CFAP47: variants seen among roughly 807,000 people sequenced by gnomAD.
The protein encoded by CFAP47 is cilia and flagella associated protein 47.
Under a neutral mutation model 148.1 loss-of-function variants are expected in CFAP47, and 29 were observed. That is an observed-to-expected ratio of 0.20 (90% CI 0.15 to 0.27). The LOEUF (loss-of-function observed/expected upper bound fraction) is 0.27. Among genes scored for constraint, CFAP47 ranks in the 10% least tolerant of loss-of-function variants. The pLI is 1.00. For synonymous variants in CFAP47, 664 were observed against 577.3 expected (o/e 1.15, Z -2.15); for missense variants, 1,872 against 1,697.5 (o/e 1.10, Z -1.81).
At chrX:36,029,578 T>G (rs1181349969) in intron 22 of CFAP47, among the ~76,000 whole-genome samples, 1 of 110,878 alleles carries the variant, frequency 9.0e-6, no homozygotes, top group African/African-American at 3.3e-5. Context: ...TCTTCACTAT[T>G]GTGTTCCATT....
At chrX:36,026,944 T>C (rs997473475) in intron 22 of CFAP47, among the ~76,000 whole-genome samples, 1 of 109,254 alleles carries the variant, frequency 9.2e-6, no homozygotes, top group Admixed American at 9.9e-5. Flanking sequence ...TTCTATCTTC[T>C]CTTGTATTTA....
At chrX:36,333,594 G>A (rs892089983) in intron 57 of CFAP47, among the ~76,000 whole-genome samples, 16 of 111,530 alleles carry the variant, frequency 1.4e-4, no homozygotes, top group Non-Finnish European at 2.6e-4. Flanking sequence ...CCTTGTTGAC[G>A]TCAATATCCA....
chrX:36,314,022 C>A (rs1556010454), intron 56 of CFAP47, among the ~76,000 whole-genome samples: 1 of 111,369 alleles, frequency 9.0e-6, no homozygotes, highest in African/African-American at 3.3e-5. Context: ...ACCCAAATTT[C>A]TAAAACTTAG....
At chrX:36,006,814 G>A in intron 21 of CFAP47, among the ~76,000 whole-genome samples, 1 of 111,994 alleles carries the variant, frequency 8.9e-6, no homozygotes, top group Middle Eastern at 4.7e-3. Flanking sequence ...ATATGGAATT[G>A]TACTTCCTAT....
intron 33 of CFAP47, among the ~76,000 whole-genome samples, chrX:36,133,238 T>C (rs192601828): frequency 9.0e-6 from 1 of 111,177 alleles, no homozygotes; most frequent in African/African-American, 3.3e-5. Flanking sequence ...CTAAAGTGAG[T>C]CTGGAGAATG....
Position 36,055,142 on chromosome X carries a change from GTTTA to G in CFAP47, c.4217+8095_4217+8098del, listed in dbSNP as rs1049402187. On this transcript the variant is annotated intron_variant, in intron 26 of 63. Transcript: ENST00000378653. ...ATTTAACACCATGTAGACATGGTCA[GTTTA>G]TTTATTTATTTATTTTTCTTCAATT... 1.0e-4 allele frequency among the ~76,000 whole-genome samples: 11 copies of G among 109,590 alleles called. No individual in the cohort carries two copies. The South Asian group carries it at 3.6e-3, about 35-fold the overall frequency.
At chrX:36,348,945 T>G (rs1329493986) in intron 58 of CFAP47, among the ~76,000 whole-genome samples, 1 of 111,839 alleles carries the variant, frequency 8.9e-6, no homozygotes, top group Admixed American at 9.6e-5. Flanking sequence ...CTTTCCTTCA[T>G]TTTTTGCCAG....
intron 11 of CFAP47, among the ~76,000 whole-genome samples, chrX:35,971,354 C>A (rs2146665303): frequency 8.9e-6 from 1 of 112,066 alleles, no homozygotes; most frequent in Non-Finnish European, 1.9e-5. Context: ...CCATATCAGT[C>A]ATTGGCTGTC....
At chrX:36,300,581 G>A (rs1398085707) in intron 52 of CFAP47, among the ~76,000 whole-genome samples, 1 of 111,659 alleles carries the variant, frequency 9.0e-6, no homozygotes, top group Non-Finnish European at 1.9e-5. Context: ...GAGCCACCAC[G>A]TCCGGTCCCC....
At chrX:35,923,408 C>T (rs1455220372) in intron 1 of CFAP47, among the ~76,000 whole-genome samples, 6 of 111,450 alleles carry the variant, frequency 5.4e-5, no homozygotes, top group Non-Finnish European at 1.1e-4. Flanking sequence ...TTATATTTTT[C>T]CTGGCATCTA....
chrX:36,126,340 T>A (rs1938838279), intron 33 of CFAP47, among the ~76,000 whole-genome samples: 1 of 111,203 alleles, frequency 9.0e-6, no homozygotes, highest in South Asian at 3.8e-4. Context: ...TGTGAGAACA[T>A]GCAGTGTTTG....
At chrX:36,066,557 C>T (rs6653958) in intron 27 of CFAP47, among the ~76,000 whole-genome samples, 31 of 111,591 alleles carry the variant, frequency 2.8e-4, no homozygotes, top group African/African-American at 9.4e-4. Context: ...AAGCATGTAT[C>T]GTGACTCTTT....
At position 35,975,326 on chromosome X, in the gene CFAP47, A is replaced by G. The variant is rs1936552720; in HGVS notation, c.2434A>G (p.Met812Val). 4 of 1,202,046 alleles carry G rather than the reference A, an allele frequency of 3.3e-6. No homozygotes were observed. The highest frequency in any genetic ancestry group is 2.3e-4 in the Middle Eastern group (1 of 4,306). Residue 812 changes from methionine to valine, a missense_variant, in exon 14 of 64, where the codon ATG (methionine) becomes GTG (valine). Coordinates refer to ENST00000378653, the MANE Select transcript of CFAP47 (RefSeq NM_001304548.2). ...ILPTSSTYIS[M>V]VFDSPTIGKF... ...ACCTACATCCAGTACTTATATTTCAATGGTATTTGACTCTCCCACCATTGG... is the reference window on the plus strand; with the variant it reads ...ACCTACATCCAGTACTTATATTTCAGTGGTATTTGACTCTCCCACCATTGG...
intron 42 of CFAP47, among the ~76,000 whole-genome samples, chrX:36,197,166 G>C (rs1939929039): frequency 8.9e-6 from 1 of 112,065 alleles, no homozygotes; most frequent in African/African-American, 3.2e-5. Flanking sequence ...GTAATATACT[G>C]TGTGTGTAAG....
At chrX:35,983,648 G>C (rs759974638) in intron 15 of CFAP47, among the ~76,000 whole-genome samples, 6 of 111,754 alleles carry the variant, frequency 5.4e-5, no homozygotes, top group African/African-American at 1.9e-4. Context: ...TCAATGCCTA[G>C]TTTATTGAGG....
chrX:36,141,602 C>T (rs1401791909), intron 35 of CFAP47, among the ~76,000 whole-genome samples: 1 of 111,574 alleles, frequency 9.0e-6, no homozygotes. Context: ...AAATTGACAC[C>T]TAAAATTAAC....
chrX:36,134,356 C>T (rs1294906859), intron 33 of CFAP47, among the ~76,000 whole-genome samples: 1 of 110,937 alleles, frequency 9.0e-6, no homozygotes, highest in Admixed American at 9.6e-5. Context: ...ATAGCCAAAA[C>T]AATTTTGAAA....
At chrX:36,096,760 G>A (rs1938286225) in intron 30 of CFAP47, among the ~76,000 whole-genome samples, 1 of 109,309 alleles carries the variant, frequency 9.1e-6, no homozygotes, top group Non-Finnish European at 1.9e-5. Flanking sequence ...TGTTTCTTGC[G>A]GCAACAGATC....
chrX:35,930,204 A>G (rs1405592380), intron 2 of CFAP47, among the ~76,000 whole-genome samples: 1 of 111,394 alleles, frequency 9.0e-6, no homozygotes, highest in Non-Finnish European at 1.9e-5. Flanking sequence ...TTTTTTTTCC[A>G]TAACTTAGTG....
Sources: allele counts gnomAD v4.1 joint callset (sites outside exome capture counted in the v4.1 genomes callset), GRCh38; gene constraint gnomAD v4.1.1; transcripts MANE v1.5; gene names NCBI Gene and HGNC (gene_info 2026-07-23, HGNC 2026-07-21).